Variants in SH3GL2 observed in about 807,000 individuals in gnomAD.
SH3GL2 encodes SH3 domain containing GRB2 like 2, endophilin A1.
In SH3GL2, 24 loss-of-function variants were observed where a neutral mutation model predicts 46.0. That is an observed-to-expected ratio of 0.52 (90% CI 0.38 to 0.73). The LOEUF is 0.73. Ranked by LOEUF, SH3GL2 falls within the 30% of genes least tolerant of loss-of-function variation. SH3GL2 has a pLI of 0.00. For missense variants in SH3GL2, 413 were observed against 424.2 expected (o/e 0.97, Z 0.23); for synonymous variants, 196 against 147.1 (o/e 1.33, Z -2.40).
intron 1 of SH3GL2, among the ~76,000 whole-genome samples, chr9:17,643,460 A>G (rs758980465): frequency 3.3e-5 from 5 of 152,180 alleles, no homozygotes; most frequent in Non-Finnish European, 7.3e-5. Context: ...GGAGTTTTCA[A>G]AGGGAATGCT....
At chr9:17,759,116 A>C (rs1823094019) in intron 2 of SH3GL2, among the ~76,000 whole-genome samples, 1 of 152,178 alleles carries the variant, frequency 6.6e-6, no homozygotes, top group Non-Finnish European at 1.5e-5. Context: ...ACTAGCTTTC[A>C]CAGCCTTCCT....
chr9:17,606,220 G>A (rs868758958), intron 1 of SH3GL2, among the ~76,000 whole-genome samples: 1 of 152,088 alleles, frequency 6.6e-6, no homozygotes, highest in African/African-American at 2.4e-5. Flanking sequence ...AGCCTCCCGA[G>A]TAGCTGGGAT....
At chr9:17,733,871 CA>C (rs76726618) in intron 1 of SH3GL2, among the ~76,000 whole-genome samples, 39,613 of 150,366 alleles carry the variant, frequency 0.26, 6,096 homozygotes, top group East Asian at 0.49. Context: ...ATCGCAAGAA[CA>C]AAAAAACCAA....
chr9:17,663,356 CT>C (rs1206164911), intron 1 of SH3GL2, among the ~76,000 whole-genome samples: 6 of 152,180 alleles, frequency 3.9e-5, no homozygotes, highest in Admixed American at 6.5e-5. Flanking sequence ...TTTATTAATG[CT>C]TTCCTTTTGT....
chr9:17,755,388 C>T (rs1029734940), intron 2 of SH3GL2, among the ~76,000 whole-genome samples: 4 of 152,140 alleles, frequency 2.6e-5, no homozygotes, highest in Admixed American at 1.3e-4. Context: ...TTTGGTTTGC[C>T]AGCATTGTAT....
intron 1 of SH3GL2, chr9:17,591,237 T>TA (rs1563773901): frequency 6.6e-6 from 1 of 152,238 alleles, no homozygotes; most frequent in Non-Finnish European, 1.5e-5. Flanking sequence ...TGATGACTGT[T>TA]ACGTCTTCCC....
chr9:17,732,400 T>C (rs1822210093), intron 1 of SH3GL2, among the ~76,000 whole-genome samples: 2 of 152,074 alleles, frequency 1.3e-5, no homozygotes, highest in Non-Finnish European at 2.9e-5. Flanking sequence ...CAAATTAGTA[T>C]AGAGGTTGGT....
intron 1 of SH3GL2, among the ~76,000 whole-genome samples, chr9:17,746,645 C>A (rs1234243196): frequency 6.6e-6 from 1 of 152,080 alleles, no homozygotes; most frequent in Non-Finnish European, 1.5e-5. Flanking sequence ...ATTATCTGTT[C>A]AATAGCCCAT....
intron 1 of SH3GL2, among the ~76,000 whole-genome samples, chr9:17,671,832 A>G (rs1194642371): frequency 1.3e-5 from 2 of 152,206 alleles, no homozygotes; most frequent in East Asian, 3.8e-4. Context: ...TTGCCTTGAG[A>G]CAACAACCAA....
At chr9:17,587,903 A>AC (rs952056055) in intron 1 of SH3GL2, among the ~76,000 whole-genome samples, 11 of 151,914 alleles carry the variant, frequency 7.2e-5, no homozygotes, top group African/African-American at 2.7e-4. Context: ...AAAAACCAAA[A>AC]AAAAAAAACC....
chr9:17,711,689 C>T (rs561846242), intron 1 of SH3GL2, among the ~76,000 whole-genome samples: 3 of 151,630 alleles, frequency 2.0e-5, no homozygotes, highest in African/African-American at 7.3e-5. Flanking sequence ...ATGAATATAC[C>T]ACAGTTTGTT....
chr9:17,733,006 T>C (rs1435384631), intron 1 of SH3GL2, among the ~76,000 whole-genome samples: 1 of 152,080 alleles, frequency 6.6e-6, no homozygotes, highest in African/African-American at 2.4e-5. Context: ...ACTCCCCACG[T>C]CCTTGGCAGT....
At chr9:17,770,591 T>C (rs1823447583) in intron 3 of SH3GL2, among the ~76,000 whole-genome samples, 1 of 152,184 alleles carries the variant, frequency 6.6e-6, no homozygotes, top group African/African-American at 2.4e-5. Context: ...ACTCCCTTGA[T>C]AGTGATTACA....
chr9:17,638,402 T>G (rs1360757093), intron 1 of SH3GL2, among the ~76,000 whole-genome samples: 2 of 152,174 alleles, frequency 1.3e-5, no homozygotes, highest in South Asian at 2.1e-4. Context: ...CGTTTTGGGT[T>G]GATCTACCTG....
chr9:17,599,152 A>G (rs1203026647), intron 1 of SH3GL2, among the ~76,000 whole-genome samples: 1 of 152,230 alleles, frequency 6.6e-6, no homozygotes, highest in East Asian at 1.9e-4. Flanking sequence ...ATAAATTTTA[A>G]CTAGTTGGAA....
intron 1 of SH3GL2, among the ~76,000 whole-genome samples, chr9:17,642,749 A>G (rs1252279249): frequency 1.3e-5 from 2 of 152,100 alleles, no homozygotes; most frequent in Non-Finnish European, 2.9e-5. Flanking sequence ...TGTTTTGGTT[A>G]CTGTAGCCTT....
In SH3GL2 at chr9:17,752,244, C is replaced by T. The variant is rs188984924; in HGVS notation, c.114+5110C>T. The stretch of plus-strand genomic sequence containing the variant: ...TGTATCTCGCTGCCAGACAGACCTT[C>T]CCAGGACACGGTTTTCATCATGTCT... On this transcript the variant is annotated intron_variant, in intron 2 of 8. Transcript: ENST00000380607. Among the ~76,000 whole-genome samples the T allele has an allele frequency of 7.8e-3, 1,183 of 152,168 alleles. 18 individuals are homozygous for T. The highest frequency in any genetic ancestry group is 0.027 in the African/African-American group (1,129 of 41,516).
intron 3 of SH3GL2, among the ~76,000 whole-genome samples, chr9:17,775,373 GA>G (rs1229458377): frequency 1.3e-5 from 2 of 152,042 alleles, no homozygotes; most frequent in African/African-American, 4.8e-5. Flanking sequence ...GGAAAACAGA[GA>G]AAAAAACTAA....
intron 7 of SH3GL2, among the ~76,000 whole-genome samples, chr9:17,791,849 A>G (rs1227598972): frequency 6.6e-5 from 10 of 152,188 alleles, no homozygotes; most frequent in African/African-American, 2.2e-4. Context: ...ATGGCGGTCA[A>G]GTCCTCTGCC....
Sources: gnomAD v4.1 joint callset for allele counts (sites outside exome capture counted in the v4.1 genomes callset) on GRCh38, gnomAD v4.1.1 for gene constraint, MANE v1.5 for transcripts, NCBI Gene and HGNC (gene_info 2026-07-23, HGNC 2026-07-21) for gene names.